ANO4: variants seen among roughly 807,000 people sequenced by gnomAD.
ANO4 encodes anoctamin 4.
ANO4 carries 69 observed loss-of-function variants against 141.9 expected under a neutral mutation model. The observed-to-expected ratio is 0.49, with a 90% CI of 0.40 to 0.59. The LOEUF (loss-of-function observed/expected upper bound fraction) is 0.59. ANO4 is among the 20% of genes least tolerant of loss of function. The probability of loss-of-function intolerance (pLI) is 0.00; values close to 1 mark genes in which losing one functional copy is unlikely to be tolerated. For missense variants in ANO4, 894 were observed against 1,162.2 expected (o/e 0.77, Z 3.36); for synonymous variants, 350 against 394.3 (o/e 0.89, Z 1.33).
chr12:101,058,551 G>A (rs1432128314), intron 14 of ANO4, among the ~76,000 whole-genome samples: 1 of 152,162 alleles, frequency 6.6e-6, no homozygotes. Context: ...GCAGTGGTTT[G>A]TAATTCTCCT....
chr12:100,916,226 TA>T (rs2041335093), intron 2 of ANO4, among the ~76,000 whole-genome samples: 1 of 152,210 alleles, frequency 6.6e-6, no homozygotes, highest in South Asian at 2.1e-4. Context: ...ATTTTTATTG[TA>T]AGCCCTTTGG....
intron 1 of ANO4, among the ~76,000 whole-genome samples, chr12:100,828,095 A>G (rs1027002315): frequency 2.0e-5 from 3 of 152,044 alleles, no homozygotes; most frequent in Non-Finnish European, 2.9e-5. Context: ...AGGGGATGCT[A>G]GACACTCATA....
chr12:100,891,836 T>A (rs2135992382), intron 1 of ANO4, among the ~76,000 whole-genome samples: 1 of 152,296 alleles, frequency 6.6e-6, no homozygotes. Flanking sequence ...CCCACTATTT[T>A]GTATAATAGA....
intron 8 of ANO4, among the ~76,000 whole-genome samples, chr12:101,015,597 G>A (rs889869208): frequency 1.3e-5 from 2 of 152,092 alleles, no homozygotes; most frequent in Non-Finnish European, 2.9e-5. Flanking sequence ...CTTTGCACAC[G>A]GGTAAGTATA....
At chr12:100,964,650 C>T (rs755268719) in intron 5 of ANO4, among the ~76,000 whole-genome samples, 1 of 152,162 alleles carries the variant, frequency 6.6e-6, no homozygotes, top group Admixed American at 6.6e-5. Flanking sequence ...TGATCCTTCA[C>T]GCTCAGTAAA....
chr12:101,122,656 C>T (rs1034605308), intron 26 of ANO4, among the ~76,000 whole-genome samples: 1 of 152,134 alleles, frequency 6.6e-6, no homozygotes, highest in Non-Finnish European at 1.5e-5. Flanking sequence ...TCCCCCACTG[C>T]TTGTTTTTGT....
chr12:101,037,644 TC>T (rs2047251640), intron 10 of ANO4, among the ~76,000 whole-genome samples: 1 of 152,236 alleles, frequency 6.6e-6, no homozygotes, highest in Non-Finnish European at 1.5e-5. Flanking sequence ...TGACTCTATT[TC>T]CTACATAGTC....
intron 1 of ANO4, 123 bp from the exon 2 acceptor site, chr12:100,901,523 T>G: frequency 1.9e-6 from 1 of 528,052 alleles, no homozygotes; most frequent in Non-Finnish European, 3.3e-6. Flanking sequence ...TTTTGAGTGA[T>G]GCATACCTTA....
chr12:100,926,222 C>T (rs1168135862), intron 3 of ANO4, among the ~76,000 whole-genome samples: 1 of 152,026 alleles, frequency 6.6e-6, no homozygotes, highest in African/African-American at 2.4e-5. Context: ...AGAATTTTGC[C>T]ACCATGCTTC....
At chr12:100,829,788 C>T (rs951209819) in intron 1 of ANO4, among the ~76,000 whole-genome samples, 3 of 152,038 alleles carry the variant, frequency 2.0e-5, no homozygotes, top group African/African-American at 7.2e-5. Flanking sequence ...GAAATTCTTT[C>T]TTTGGCTTGA....
At chr12:101,121,658 G>T (rs1287580490) in intron 26 of ANO4, among the ~76,000 whole-genome samples, 3 of 151,622 alleles carry the variant, frequency 2.0e-5, no homozygotes, top group Non-Finnish European at 2.9e-5. Context: ...GAAATCTCCA[G>T]ACTACACAGT....
At chr12:100,844,739 A>C (rs2037468031) in intron 1 of ANO4, among the ~76,000 whole-genome samples, 1 of 149,996 alleles carries the variant, frequency 6.7e-6, no homozygotes, top group African/African-American at 2.5e-5. Context: ...CAGGGCTTTA[A>C]AAGCCTATGA....
chr12:101,056,830 T>G (rs183541769), intron 14 of ANO4, among the ~76,000 whole-genome samples: 1 of 148,452 alleles, frequency 6.7e-6, no homozygotes, highest in Non-Finnish European at 1.5e-5. Context: ...TTTCCTGTAT[T>G]AACTAAGACA....
chr12:101,107,453 A>G (rs539346919), intron 22 of ANO4, among the ~76,000 whole-genome samples: 2 of 152,312 alleles, frequency 1.3e-5, no homozygotes, highest in Admixed American at 1.3e-4. Flanking sequence ...GCTACAGAGG[A>G]GGTAGTAGTT....
chr12:100,946,331 G>A (rs1370648101), intron 5 of ANO4, among the ~76,000 whole-genome samples: 2 of 152,198 alleles, frequency 1.3e-5, no homozygotes, highest in Admixed American at 1.3e-4. Context: ...CATTCGGGTT[G>A]CCTGGTAAGA....
At chr12:100,975,616 T>A (rs899602728) in intron 7 of ANO4, among the ~76,000 whole-genome samples, 3 of 151,788 alleles carry the variant, frequency 2.0e-5, no homozygotes, top group African/African-American at 7.3e-5. Flanking sequence ...AATTTCTGTA[T>A]TTTTAGTAGA....
chr12:100,785,560 CT>C, intron 3 of ANO4, among the ~76,000 whole-genome samples: 1 of 152,282 alleles, frequency 6.6e-6, no homozygotes, highest in South Asian at 2.1e-4. Context: ...CCCTCATGTT[CT>C]TCATAGCTTG....
At chr12:101,010,481 G>A (rs1382863964) in intron 8 of ANO4, among the ~76,000 whole-genome samples, 1 of 152,044 alleles carries the variant, frequency 6.6e-6, no homozygotes, top group African/African-American at 2.4e-5. Context: ...TTATATATTT[G>A]GCCTGACAAT....
chr12:100,759,326 T>G (rs994609700), intron 3 of ANO4, among the ~76,000 whole-genome samples: 3 of 152,214 alleles, frequency 2.0e-5, no homozygotes, highest in African/African-American at 7.2e-5. Context: ...TATATATATT[T>G]TTGTTCAACT....
Sources: allele counts gnomAD v4.1 joint callset (sites outside exome capture counted in the v4.1 genomes callset), GRCh38; gene constraint gnomAD v4.1.1; transcripts MANE v1.5; gene names NCBI Gene and HGNC (gene_info 2026-07-23, HGNC 2026-07-21).